The following ILDR2 variants were observed in gnomAD, a reference collection of about 807,000 sequenced individuals.
ILDR2 encodes the protein immunoglobulin-like domain-containing receptor 2.
In ILDR2, 25 loss-of-function variants were observed where a neutral mutation model predicts 66.8. That is an observed-to-expected ratio of 0.37 (90% confidence interval 0.27 to 0.52). The LOEUF is 0.52. ILDR2 is among the 20% of genes least tolerant of loss of function. ILDR2 has a pLI of 0.88. For synonymous variants in ILDR2, 367 were observed against 357.2 expected, an observed-to-expected ratio of 1.03 and a Z score of -0.31; for missense variants, 827 against 876.8, an observed-to-expected ratio of 0.94 and a Z score of 0.72.
At chr1:166,957,274 A>G (rs146385705) in intron 2 of ILDR2, among the ~76,000 whole-genome samples, 69 of 152,346 alleles carry the variant, frequency 4.5e-4, no homozygotes, top group Non-Finnish European at 9.0e-4. Flanking sequence ...TGAGGTCCAG[A>G]GCTTTAGAGA....
intron 2 of ILDR2, among the ~76,000 whole-genome samples, chr1:166,897,708 T>C (rs1659196286): frequency 6.6e-6 from 1 of 152,232 alleles, no homozygotes; most frequent in Non-Finnish European, 1.5e-5. Flanking sequence ...TATACATCAA[T>C]GTCCTGGAAG....
Position 166,913,726 on chromosome 1 carries a change from C to T in ILDR2, c.*5629G>A, listed in dbSNP as rs889725714. 1 of 152,216 alleles carries T rather than the reference C, an allele frequency of 6.6e-6. No individual in the cohort carries two copies. Among genetic ancestry groups the T allele is most frequent in the Non-Finnish European group, 1.5e-5 (1 of 68,050 alleles). 9.4% of individuals were successfully genotyped at this position (152,216 alleles called of 1,614,324 possible). On this transcript the variant is annotated 3_prime_UTR_variant, in exon 10 of 10. Transcript: ENST00000271417. ...GCAGCTTCTGCCTGGAGTTCTGAAT[C>T]CAGATGAATCTGTCGTTTCATTCAG...
intron 1 of ILDR2, among the ~76,000 whole-genome samples, chr1:166,959,608 T>TA (rs1294269467): frequency 1.4e-4 from 21 of 152,226 alleles, no homozygotes; most frequent in African/African-American, 5.1e-4. Context: ...ATGAGAAGTT[T>TA]AAGTGGTAAA....
chr1:166,925,955 C>G (rs1234638841), intron 7 of ILDR2, among the ~76,000 whole-genome samples: 1 of 152,206 alleles, frequency 6.6e-6, no homozygotes, highest in Non-Finnish European at 1.5e-5. Flanking sequence ...GGATCCATGA[C>G]AACATTGTTA....
At chr1:166,939,466 A>G in intron 4 of ILDR2, 48 bp downstream of exon 4, 1 of 1,491,246 alleles carries the variant, frequency 6.7e-7, no homozygotes, top group Non-Finnish European at 9.4e-7. Flanking sequence ...AGCAAGACAG[A>G]TGGAATAACA....
At chr1:166,919,413 C>T (rs182997775) in intron 9 of ILDR2, 23 bp from the exon 10 acceptor site, 2 of 1,597,218 alleles carry the variant, frequency 1.3e-6, no homozygotes, top group Admixed American at 3.4e-5. Context: ...AGAAAGAGCC[C>T]AACATTAAGC....
At position 166,909,793 on chromosome 1, in the gene ILDR2, A is replaced by ATG. The variant is rs1659435712; in HGVS notation, c.*9561_*9562insCA. 1 of 125,630 alleles carries ATG rather than the reference A, an allele frequency of 8.0e-6. No individual in the cohort carries two copies. Among genetic ancestry groups the ATG allele is most frequent in the Non-Finnish European group, 1.7e-5 (1 of 58,142 alleles). 7.8% of individuals were successfully genotyped at this position (125,630 alleles called of 1,614,324 possible). ...TAAATATATATATTTATATATATAT[A>ATG]TATATATATATATCCTTCTAGCTTT... On this transcript the variant is annotated 3_prime_UTR_variant, in exon 10 of 10. Transcript: ENST00000271417.
At position 166,957,955 on chromosome 1, in the gene ILDR2, G is replaced by A. The variant is rs972162699; in HGVS notation, c.193C>T (p.Arg65Cys). ...QWKFKSYCQD[R>C]MGESLGMSST... ...GACATGCCCAAGGATTCTCCCATGCGATCCTGGCAGTAGGACTTGAACTTC... is the reference window on the plus strand; with the variant it reads ...GACATGCCCAAGGATTCTCCCATGCAATCCTGGCAGTAGGACTTGAACTTC... Residue 65 changes from arginine to cysteine, a missense_variant, in exon 2 of 10, where the codon CGC (arginine) becomes TGC (cysteine). Around this residue, in one of 2 missense-constraint regions of ILDR2, gnomAD observed 437 missense variants for 523.2 expected, o/e 0.84. Transcript: ENST00000271417. The A allele has an allele frequency of 5.0e-6, 8 of 1,614,012 alleles. No individual in the cohort carries two copies. The Admixed American group carries it at 5.0e-5, about 10-fold the overall frequency.
intron 1 of ILDR2, among the ~76,000 whole-genome samples, chr1:166,961,408 G>A (rs1421635092): frequency 6.6e-6 from 1 of 151,934 alleles, no homozygotes; most frequent in African/African-American, 2.4e-5. Flanking sequence ...CAGCTTCTAT[G>A]ACATAAACAT....
intron 1 of ILDR2, among the ~76,000 whole-genome samples, chr1:166,965,012 A>G (rs1029513271): frequency 6.6e-6 from 1 of 152,218 alleles, no homozygotes; most frequent in African/African-American, 2.4e-5. Flanking sequence ...GCTAAAGGTC[A>G]TGGAAAATTA....
chr1:166,927,951 A>G (rs997265464), intron 6 of ILDR2, among the ~76,000 whole-genome samples: 5 of 152,206 alleles, frequency 3.3e-5, no homozygotes, highest in Non-Finnish European at 5.9e-5. Context: ...CTACATCTCT[A>G]TCACTCATAT....
chr1:166,911,308 T>C lies in ILDR2; in HGVS notation c.*8047A>G, dbSNP rs920239639. The C allele has an allele frequency of 6.6e-6, 1 of 152,244 alleles. No homozygotes were observed. Among genetic ancestry groups the C allele is most frequent in the African/African-American group, 2.4e-5 (1 of 41,468 alleles). The allele number at this position is 152,244 out of a possible 1,614,324, so 9.4% of individuals were successfully genotyped here. The stretch of plus-strand genomic sequence containing the variant: ...TGCACAATGCGTGTATGTGTGCCTT[T>C]TTCATTTTTTCCCATTTAGCACACT... On this transcript the variant is annotated 3_prime_UTR_variant, in exon 10 of 10. Transcript: ENST00000271417.
chr1:166,919,359 A>T lies in ILDR2; in HGVS notation c.1916T>A (p.Val639Asp), dbSNP rs1266020104. 4.3e-6 allele frequency: 7 copies of T among 1,611,282 alleles called. No homozygotes were observed. In the South Asian group the frequency reaches 6.6e-5, roughly 15 times the overall value. The change falls in exon 10 of 10, where the codon GTC becomes GAC. Residue 639 changes from valine (V) to aspartate (D), a missense_variant. Physicochemically the swap from Val to Asp is radical, Grantham distance 152. Transcript: ENST00000271417. Reference sequence around the variant, plus strand: ...TCCAGAGAAATGTTGACAACATCAGACCACAAGGGACATCCTGGTTGGAAA... The same window carrying T: ...TCCAGAGAAATGTTGACAACATCAGTCCACAAGGGACATCCTGGTTGGAAA... ...NDFPTRMSLV[V>D]
At chr1:166,907,359 C>T (rs1659366770), downstream of ILDR2, among the ~76,000 whole-genome samples, 1 of 152,192 alleles carries the variant, frequency 6.6e-6, no homozygotes, top group South Asian at 2.1e-4. Context: ...TCCCCATGGC[C>T]TACTGTGACT....
intron 1 of ILDR2, among the ~76,000 whole-genome samples, chr1:166,973,618 C>CT (rs1368691799): frequency 8.9e-6 from 1 of 112,476 alleles, no homozygotes; most frequent in African/African-American, 4.4e-5. Flanking sequence ...CCCCTCCCCC[C>CT]CCCCCCCGAT....
intron 3 of ILDR2, among the ~76,000 whole-genome samples, chr1:166,947,854 T>G (rs1225993715): frequency 2.0e-5 from 3 of 151,856 alleles, no homozygotes; most frequent in Non-Finnish European, 2.9e-5. Flanking sequence ...TGAGGCGGAA[T>G]AAAGGCTGCG....
In ILDR2 at chr1:166,910,822, G is replaced by A. The variant is rs1293281034; in HGVS notation, c.*8533C>T. 6.6e-6 allele frequency: 1 copy of A among 152,176 alleles called. No homozygotes were observed. Among genetic ancestry groups the A allele is most frequent in the African/African-American group, 2.4e-5 (1 of 41,440 alleles). 9.4% of individuals were successfully genotyped at this position (152,176 alleles called of 1,614,324 possible). A position where few individuals can be genotyped will look rare whatever the true frequency, so the allele number is the denominator to read the frequency against. On this transcript the variant is annotated 3_prime_UTR_variant, in exon 10 of 10. Coordinates refer to ENST00000271417, the MANE Select transcript of ILDR2 (RefSeq NM_199351.3). The stretch of plus-strand genomic sequence containing the variant: ...ATGAAAGCATATAAAAATTGGATTA[G>A]AATTAGATAATCATAGGGAAAAATG...
intron 3 of ILDR2, among the ~76,000 whole-genome samples, chr1:166,943,384 C>T (rs569444050): frequency 2.7e-5 from 4 of 149,172 alleles, no homozygotes; most frequent in Non-Finnish European, 5.9e-5. Flanking sequence ...CCCAGCTACT[C>T]GGGAGGCTGA....
At chr1:166,959,173 C>T (rs1006237271) in intron 1 of ILDR2, among the ~76,000 whole-genome samples, 2 of 152,202 alleles carry the variant, frequency 1.3e-5, no homozygotes, top group African/African-American at 4.8e-5. Flanking sequence ...TTTTAAAACC[C>T]AGTTCAAGGG....
Sources: allele counts gnomAD v4.1 joint callset (sites outside exome capture counted in the v4.1 genomes callset), GRCh38; gene constraint gnomAD v4.1.1; regional missense constraint gnomAD v4.1.1; transcripts MANE v1.5; gene names NCBI Gene and HGNC (gene_info 2026-07-23, HGNC 2026-07-21).